The following XKR9 variants were observed in gnomAD, a reference collection of about 807,000 sequenced individuals.
XKR9 encodes XK-related protein 9.
In XKR9, 32 loss-of-function variants were observed where a neutral mutation model predicts 32.0. The ratio of observed to expected loss-of-function variants is 1.00; its 90% CI spans 0.76 to 1.34. The LOEUF is 1.34. XKR9 is among the 40% of genes most tolerant of loss of function. The probability of loss-of-function intolerance (pLI) is 0.00; values close to 1 mark genes in which losing one functional copy is unlikely to be tolerated. For synonymous variants in XKR9, 168 were observed against 143.4 expected (o/e 1.17, Z -1.22); for missense variants, 546 against 429.7 (o/e 1.27, Z -2.39).
chr8:70,843,678 C>T, the XKR9 span, among the ~76,000 whole-genome samples: 5 of 152,138 alleles, frequency 3.3e-5, no homozygotes, highest in Admixed American at 1.3e-4. Flanking sequence ...TGAAAGACCA[C>T]GAGTGGTTCA....
At chr8:70,690,498 TA>T (rs1018843509) in intron 3 of XKR9, among the ~76,000 whole-genome samples, 1 of 128,390 alleles carries the variant, frequency 7.8e-6, no homozygotes, top group African/African-American at 2.6e-5. Context: ...TATGCCCAGC[TA>T]GTTTTTTTTT....
the XKR9 span, among the ~76,000 whole-genome samples, chr8:71,010,493 AC>A: frequency 2.0e-5 from 3 of 152,104 alleles, no homozygotes; most frequent in Non-Finnish European, 2.9e-5. Flanking sequence ...ACTCTTTCTT[AC>A]GTCTGGATTA....
the XKR9 span, among the ~76,000 whole-genome samples, chr8:70,845,997 AT>A: frequency 3.3e-5 from 5 of 152,318 alleles, no homozygotes; most frequent in African/African-American, 1.2e-4. Flanking sequence ...ACAGCACATT[AT>A]AGTCAAACTG....
the XKR9 span, among the ~76,000 whole-genome samples, chr8:70,928,518 G>T: frequency 1.3e-5 from 2 of 152,174 alleles, no homozygotes; most frequent in South Asian, 2.1e-4. Context: ...TGACAAAAAT[G>T]CCTGATGTGA....
At chr8:70,912,093 C>A in the XKR9 span, among the ~76,000 whole-genome samples, 1 of 151,946 alleles carries the variant, frequency 6.6e-6, no homozygotes, top group Non-Finnish European at 1.5e-5. Context: ...TTACAAAAGG[C>A]AGAGAGAAAA....
At chr8:71,031,089 A>G in the XKR9 span, among the ~76,000 whole-genome samples, 7,756 of 152,256 alleles carry the variant, frequency 0.051, 318 homozygotes, top group South Asian at 0.18. Context: ...ATTCTCAAAA[A>G]TGGAGACTAC....
chr8:70,976,984 A>G, the XKR9 span, among the ~76,000 whole-genome samples: 1 of 152,122 alleles, frequency 6.6e-6, no homozygotes, highest in Non-Finnish European at 1.5e-5. Context: ...CATTTCTTCT[A>G]GATTTTCTAG....
At chr8:71,016,911 A>G in the XKR9 span, among the ~76,000 whole-genome samples, 1 of 152,184 alleles carries the variant, frequency 6.6e-6, no homozygotes, top group Non-Finnish European at 1.5e-5. Context: ...GATATAATTA[A>G]TAGAATGCCA....
At chr8:70,896,394 T>C in the XKR9 span, among the ~76,000 whole-genome samples, 3 of 152,120 alleles carry the variant, frequency 2.0e-5, no homozygotes, top group Non-Finnish European at 2.9e-5. Flanking sequence ...TTAGATTTTC[T>C]ATCTCTTTTT....
the XKR9 span, among the ~76,000 whole-genome samples, chr8:70,871,164 AATTT>A: frequency 1.3e-5 from 2 of 152,208 alleles, no homozygotes; most frequent in East Asian, 1.9e-4. Context: ...TTATTTAAAA[AATTT>A]ATTTATCTCC....
the XKR9 span, among the ~76,000 whole-genome samples, chr8:70,978,121 T>A: frequency 1.3e-5 from 2 of 152,228 alleles, no homozygotes; most frequent in Admixed American, 1.3e-4. Flanking sequence ...TTTGAGCCTA[T>A]GTGTGTCTCT....
chr8:70,870,890 T>G, the XKR9 span, among the ~76,000 whole-genome samples: 1 of 152,160 alleles, frequency 6.6e-6, no homozygotes, highest in African/African-American at 2.4e-5. Flanking sequence ...AAAAGAAAGA[T>G]AAGGGGGAAA....
the XKR9 span, among the ~76,000 whole-genome samples, chr8:70,832,606 G>A: frequency 1.3e-5 from 2 of 151,994 alleles, no homozygotes; most frequent in East Asian, 3.9e-4. Context: ...TGTAATCACT[G>A]GAATATTCTT....
At chr8:70,699,626 C>A (rs1805437801) in intron 3 of XKR9, among the ~76,000 whole-genome samples, 1 of 152,194 alleles carries the variant, frequency 6.6e-6, no homozygotes, top group Non-Finnish European at 1.5e-5. Context: ...TTTTTACCTT[C>A]ATTTCAACTT....
chr8:70,743,289 A>T (rs1371496619), intron 2 of XKR9, among the ~76,000 whole-genome samples: 1 of 152,052 alleles, frequency 6.6e-6, no homozygotes, highest in African/African-American at 2.4e-5. Context: ...GTATTTTTAT[A>T]TATCATAAGC....
At chr8:70,917,543 C>T in the XKR9 span, among the ~76,000 whole-genome samples, 2 of 151,934 alleles carry the variant, frequency 1.3e-5, no homozygotes, top group African/African-American at 4.8e-5. Context: ...ATATTTTTGG[C>T]TTAATGATGG....
At chr8:70,840,859 T>C in the XKR9 span, among the ~76,000 whole-genome samples, 2 of 152,192 alleles carry the variant, frequency 1.3e-5, no homozygotes, top group Admixed American at 6.5e-5. Flanking sequence ...TTACTCTTTT[T>C]ACTCCCTAAA....
chr8:70,946,185 TC>T, the XKR9 span, among the ~76,000 whole-genome samples: 1 of 152,090 alleles, frequency 6.6e-6, no homozygotes, highest in Non-Finnish European at 1.5e-5. Context: ...GTGCTCTAGT[TC>T]CAGCCTAAGA....
chr8:70,899,991 G>A, the XKR9 span, among the ~76,000 whole-genome samples: 2 of 152,058 alleles, frequency 1.3e-5, no homozygotes, highest in African/African-American at 4.8e-5. Flanking sequence ...ATCTAAAAAT[G>A]TACACTTCTA....
Sources: gnomAD v4.1 joint callset for allele counts (sites outside exome capture counted in the v4.1 genomes callset) on GRCh38, gnomAD v4.1.1 for gene constraint, MANE v1.5 for transcripts, NCBI Gene and HGNC (gene_info 2026-07-23, HGNC 2026-07-21) for gene names.